Variants in FLNC observed in about 807,000 individuals in gnomAD.
The protein encoded by FLNC is filamin-C.
In FLNC, 91 loss-of-function variants were observed where a neutral mutation model predicts 254.3. The observed-to-expected ratio is 0.36, with a 90% CI of 0.30 to 0.43. The LOEUF (loss-of-function observed/expected upper bound fraction) is 0.43. Among genes scored for constraint, FLNC ranks in the 20% least tolerant of loss-of-function variants. The pLI, the probability that FLNC is intolerant of heterozygous loss-of-function variation, is 1.00. For missense variants in FLNC, 2,853 were observed against 3,802.6 expected, an observed-to-expected ratio of 0.75 and a Z score of 6.57; for synonymous variants, 1,430 against 1,577.2, an observed-to-expected ratio of 0.91 and a Z score of 2.21.
At chr7:128,839,923 C>G (rs1808256833) in intron 8 of FLNC, 100 bp from the exon 9 acceptor site, 1 of 1,485,540 alleles carries the variant, frequency 6.7e-7, no homozygotes, top group Non-Finnish European at 9.2e-7. Flanking sequence ...GGGCCACTGC[C>G]TGTGCCTGGG....
intron 24 of FLNC, among the ~76,000 whole-genome samples, chr7:128,847,420 T>A (rs1415368044): frequency 6.6e-6 from 1 of 152,286 alleles, no homozygotes; most frequent in East Asian, 1.9e-4. Context: ...CATTTCATTT[T>A]TGAAAACATT....
At chr7:128,845,312 T>G in intron 21 of FLNC, 57 bp downstream of exon 21, 1 of 1,410,610 alleles carries the variant, frequency 7.1e-7, no homozygotes, top group Non-Finnish European at 9.9e-7. Context: ...AGCTGGGTAG[T>G]CCGTGGGAGG....
In FLNC at chr7:128,857,481, C is replaced by T. The variant is rs148668184; in HGVS notation, c.7780+145C>T. 9.3e-4 allele frequency: 605 copies of T among 648,310 alleles called. 2 individuals are homozygous for T. In the African/African-American group the frequency reaches 9.6e-3, roughly 10 times the overall value. The allele number at this position is 648,310 out of a possible 1,614,324, so 40.2% of individuals were successfully genotyped here. A position where few individuals can be genotyped will look rare whatever the true frequency, so the allele number is the denominator to read the frequency against. ...GGCTAGAGGTGGGCCTGGCTCTACA[C>T]AGTACACGTTCTGTGGAGTCGGGCA... On this transcript the variant is annotated intron_variant, in intron 46 of 47. Coordinates refer to ENST00000325888, the MANE Select transcript of FLNC (RefSeq NM_001458.5). This position sits in a 1 kb window ranked among gnomAD's most constrained non-coding sequence, Gnocchi z 4.5.
In FLNC at chr7:128,842,083, C is replaced by T. The variant is rs1808354806; in HGVS notation, c.2122-148C>T. Reference sequence around the variant, plus strand: ...GGGCTCTGGCCGCCAGAGCACGTGGCCCTGGGCTCTGGTGGCCTCAGTGGC... The same window carrying T: ...GGGCTCTGGCCGCCAGAGCACGTGGTCCTGGGCTCTGGTGGCCTCAGTGGC... On this transcript the variant is annotated intron_variant, in intron 13 of 47. Coordinates refer to ENST00000325888, the MANE Select transcript of FLNC (RefSeq NM_001458.5). The surrounding 1 kb of genome is among the most constrained non-coding windows in gnomAD (Gnocchi z 5.4). 3.7e-6 allele frequency: 3 copies of T among 810,708 alleles called. No homozygotes were observed. The African/African-American group carries it at 5.1e-5, about 14-fold the overall frequency. The allele number at this position is 810,708 out of a possible 1,614,324, so 50.2% of individuals were successfully genotyped here.
Position 128,843,607 on chromosome 7 carries a change from C to A in FLNC, c.2811+30C>A, listed in dbSNP as rs369532954. The A allele has an allele frequency of 9.9e-6, 16 of 1,612,620 alleles. No homozygotes were observed. The African/African-American group carries it at 1.7e-4, about 17-fold the overall frequency. Reference sequence around the variant, plus strand: ...GCTCTGCCCCTCCCATGCTACCGCCCGGCCGGCCCGCCAGAGCCCTGGGTC... The same window carrying A: ...GCTCTGCCCCTCCCATGCTACCGCCAGGCCGGCCCGCCAGAGCCCTGGGTC... On this transcript the variant is annotated intron_variant, in intron 18 of 47. Coordinates refer to ENST00000325888, the MANE Select transcript of FLNC (RefSeq NM_001458.5).
At chr7:128,854,299 G>A in intron 40 of FLNC, 83 bp downstream of exon 40, 1 of 1,603,934 alleles carries the variant, frequency 6.2e-7, no homozygotes, top group Non-Finnish European at 8.5e-7. Context: ...TGGCAGACTG[G>A]CCCCGAAGGC....
chr7:128,830,586 G>A lies in FLNC; in HGVS notation c.-52G>A, dbSNP rs1278526174. 13 of 1,548,214 alleles carry A rather than the reference G, an allele frequency of 8.4e-6. No individual in the cohort carries two copies. Among genetic ancestry groups the A allele is most frequent in the Middle Eastern group, 3.3e-4 (2 of 5,974 alleles). ...GCCCCAACAGCGCCCGACAGCCCCC[G>A]ATAGCCCAAACCGCGGCCCTAGCCC... On this transcript the variant is annotated 5_prime_UTR_variant, in exon 1 of 48. Coordinates refer to ENST00000325888, the MANE Select transcript of FLNC (RefSeq NM_001458.5).
rs758080422 is a variant in FLNC, at chr7:128,854,484, G to A, written c.6799G>A (p.Val2267Ile). The change falls in exon 41 of 48, where the codon GTC (valine) becomes ATC (isoleucine). Residue 2267 changes from valine (V) to isoleucine (I), a missense_variant. Around this residue, in one of 10 missense-constraint regions of FLNC, gnomAD observed 551 missense variants for 835.0 expected, o/e 0.66. Transcript: ENST00000325888. ...PSGKVEAAEIVEGEDSAYSVR... is the reference protein window; with the variant it reads ...PSGKVEAAEIIEGEDSAYSVR... The stretch of plus-strand genomic sequence containing the variant: ...GGGCAAGGTGGAAGCCGCAGAGATC[G>A]TCGAGGGCGAGGACAGCGCCTACAG... 45 of 1,607,254 alleles carry A rather than the reference G, an allele frequency of 2.8e-5. No homozygotes were observed. Among genetic ancestry groups the A allele is most frequent in the Middle Eastern group, 3.4e-4 (2 of 5,936 alleles).
At chr7:128,837,613 C>G (rs765885505) in intron 4 of FLNC, 24 bp from the exon 5 acceptor site, 13 of 1,613,148 alleles carry the variant, frequency 8.1e-6, no homozygotes, top group East Asian at 2.2e-5. Context: ...CCTGAGTAAC[C>G]TGGGCTCTGC....
Position 128,841,036 on chromosome 7 carries a change from A to T in FLNC, c.1813+66A>T. The T allele has an allele frequency of 1.3e-6, 2 of 1,566,730 alleles. No homozygotes were observed. The highest frequency in any genetic ancestry group is 1.7e-6 in the Non-Finnish European group (2 of 1,150,700). Reference sequence around the variant, plus strand: ...AGGGCAGCAGGGGACACTGTGGGTAATGGGTGCAGTGCGCATGCTGGGGAG... The same window carrying T: ...AGGGCAGCAGGGGACACTGTGGGTATTGGGTGCAGTGCGCATGCTGGGGAG... On this transcript the variant is annotated intron_variant, in intron 11 of 47. Transcript: ENST00000325888. This position sits in a 1 kb window ranked among gnomAD's most constrained non-coding sequence, Gnocchi z 4.3.
Position 128,846,751 on chromosome 7 carries a change from G to A in FLNC, c.4134G>A (p.Ala1378=), listed in dbSNP as rs200942470. The change falls in exon 24 of 48, where the codon GCG becomes GCA. Residue 1378 remains alanine, a synonymous_variant. Transcript: ENST00000325888. Reference sequence around the variant, plus strand: ...GGGGGATGTTATCTCTCAGGGGAGCGGGCACCGGGGGCCTTGGCCTAGCCA... The same window carrying A: ...GGGGGATGTTATCTCTCAGGGGAGCAGGCACCGGGGGCCTTGGCCTAGCCA... The part of the protein sequence containing the change: ...ANRFTVETRG[A]GTGGLGLAIE... 47 of 1,613,888 alleles carry A rather than the reference G, an allele frequency of 2.9e-5. No individual in the cohort carries two copies. Among genetic ancestry groups the A allele is most frequent in the East Asian group, 8.9e-5 (4 of 44,874 alleles).
At position 128,847,928 on chromosome 7, in the gene FLNC, C is replaced by T. The variant is rs989351519; in HGVS notation, c.4457-17C>T. ...GGGACGCCCGGAGGCTCTGCTGACC[C>T]TGTGCCCCTTGCCCAGGTGTGGCCG... On this transcript the variant is annotated splice_polypyrimidine_tract_variant and intron_variant, in intron 25 of 47. Coordinates refer to ENST00000325888, the MANE Select transcript of FLNC (RefSeq NM_001458.5). 1.2e-6 allele frequency: 2 copies of T among 1,613,770 alleles called. No homozygotes were observed. The highest frequency in any genetic ancestry group is 8.5e-7 in the Non-Finnish European group (1 of 1,179,846).
Position 128,830,475 on chromosome 7 carries a change from CCGCCGAGCCT to C in FLNC, c.-153_-144del. The C allele has an allele frequency of 3.1e-6, 2 of 642,462 alleles. No individual in the cohort carries two copies. The highest frequency in any genetic ancestry group is 3.8e-5 in the South Asian group (2 of 52,278). The allele number at this position is 642,462 out of a possible 1,614,324, so 39.8% of individuals were successfully genotyped here. A position where few individuals can be genotyped will look rare whatever the true frequency, so the allele number is the denominator to read the frequency against. On this transcript the variant is annotated 5_prime_UTR_variant, in exon 1 of 48. Transcript: ENST00000325888. ...GAGAGCGGCCGAGCGCCTAGGAGGC[CCGCCGAGCCT>C]CGCCGAGCCCCGCCAGCCCCGGCGC...
In FLNC at chr7:128,838,636, T is replaced by C. The variant is rs773827422; in HGVS notation, c.1244T>C (p.Val415Ala). ...ACTGGCGATGTTGCTGTGGTGATCG[T>C]GGACCCACAGGGCCGGCGGGACACA... The part of the protein sequence containing the change: ...AGTGDVAVVI[V>A]DPQGRRDTVE... The change falls in exon 8 of 48, where the codon GTG (valine) becomes GCG (alanine). Residue 415 changes from valine to alanine, a missense_variant. Transcript: ENST00000325888. The C allele has an allele frequency of 6.2e-7, 1 of 1,613,000 alleles. No individual in the cohort carries two copies. Among genetic ancestry groups the C allele is most frequent in the South Asian group, 1.1e-5 (1 of 91,084 alleles).
intron 11 of FLNC, 27 bp downstream of exon 11, chr7:128,840,997 G>T (rs780039537): frequency 6.3e-7 from 1 of 1,579,674 alleles, no homozygotes; most frequent in Non-Finnish European, 8.6e-7. Flanking sequence ...CAGGAGGAGG[G>T]AGTGCTGCGG....
intron 37 of FLNC, 165 bp from the exon 38 acceptor site, chr7:128,853,304 C>T (rs947597518): frequency 2.1e-5 from 18 of 845,072 alleles, no homozygotes; most frequent in East Asian, 1.1e-4. Context: ...TTTTCCAGAC[C>T]GCCTGTCCCG....
At position 128,854,574 on chromosome 7, in the gene FLNC, G is replaced by A. The variant is rs1420394583; in HGVS notation, c.6889G>A (p.Val2297Met). The change falls in exon 41 of 48, where the codon GTG becomes ATG. Residue 2297 changes from valine to methionine, a missense_variant. Physicochemically the swap from Val to Met is conservative, Grantham distance 21 (BLOSUM62 1). Around this residue, in one of 10 missense-constraint regions of FLNC, gnomAD observed 551 missense variants for 835.0 expected, o/e 0.66. Transcript: ENST00000325888. ...CGCTGTCAAGTACCGTGGCCAGCAC[G>A]TGCCCGGCAGCCCCTTTCAGTTCAC... The part of the protein sequence containing the change: ...TVAVKYRGQH[V>M]PGSPFQFTVG... The A allele has an allele frequency of 1.9e-6, 3 of 1,609,246 alleles. No individual in the cohort carries two copies. Among genetic ancestry groups the A allele is most frequent in the Non-Finnish European group, 1.7e-6 (2 of 1,178,374 alleles).
chr7:128,841,629 G>A lies in FLNC; in HGVS notation c.2121+62G>A. ...CATGGCAGGGACCCTGGAAGGCAGG[G>A]CCAGGCCAGAGGCAGAGGCCTCCCA... On this transcript the variant is annotated intron_variant, in intron 13 of 47. Coordinates refer to ENST00000325888, the MANE Select transcript of FLNC (RefSeq NM_001458.5). The surrounding 1 kb of genome is among the most constrained non-coding windows in gnomAD (Gnocchi z 4.3). 3 of 1,339,634 alleles carry A rather than the reference G, an allele frequency of 2.2e-6. No individual in the cohort carries two copies. The highest frequency in any genetic ancestry group is 2.3e-5 in the East Asian group (1 of 43,618). 83.0% of individuals were successfully genotyped at this position (1,339,634 alleles called of 1,614,324 possible).
In FLNC at chr7:128,854,235, G is replaced by C. The variant is rs1158659832; in HGVS notation, c.6727+19G>C. ...CAGGAGGGTGAGCACCGCACACTGGGCCGGCCGGGTCCTCACGGCGGGATG... is the reference window on the plus strand; with the variant it reads ...CAGGAGGGTGAGCACCGCACACTGGCCCGGCCGGGTCCTCACGGCGGGATG... On this transcript the variant is annotated intron_variant, in intron 40 of 47. Transcript: ENST00000325888. 6.2e-7 allele frequency: 1 copy of C among 1,605,180 alleles called. No individual in the cohort carries two copies. Among genetic ancestry groups the C allele is most frequent in the Non-Finnish European group, 8.5e-7 (1 of 1,176,228 alleles).
Sources: allele counts gnomAD v4.1 joint callset (sites outside exome capture counted in the v4.1 genomes callset), GRCh38; gene constraint gnomAD v4.1.1; regional missense constraint gnomAD v4.1.1; non-coding constraint Gnocchi (gnomAD v3.1); transcripts MANE v1.5; gene names NCBI Gene and HGNC (gene_info 2026-07-23, HGNC 2026-07-21).